ERLEC1: variants seen among roughly 807,000 people sequenced by gnomAD.
ERLEC1 encodes the protein ER lectin.
ERLEC1 carries 47 observed loss-of-function variants against 68.0 expected under a neutral mutation model. The ratio of observed to expected loss-of-function variants is 0.69; its 90% CI spans 0.55 to 0.88. ERLEC1 has a LOEUF of 0.88. Ranked by LOEUF, ERLEC1 falls within the 40% of genes least tolerant of loss-of-function variation. The probability of loss-of-function intolerance (pLI) is 0.00; values close to 1 mark genes in which losing one functional copy is unlikely to be tolerated. For synonymous variants in ERLEC1, 225 were observed against 203.2 expected, an observed-to-expected ratio of 1.11 and a Z score of -0.91; for missense variants, 567 against 583.8, an observed-to-expected ratio of 0.97 and a Z score of 0.30.
chr2:53,791,086 C>T (rs919363133), intron 1 of ERLEC1, among the ~76,000 whole-genome samples: 1 of 152,182 alleles, frequency 6.6e-6, no homozygotes, highest in South Asian at 2.1e-4. Flanking sequence ...ACAGGTTCTA[C>T]CAACAAGTGT....
At chr2:53,813,570 T>C (rs993319892) in intron 11 of ERLEC1, among the ~76,000 whole-genome samples, 13 of 152,146 alleles carry the variant, frequency 8.5e-5, no homozygotes, top group Non-Finnish European at 1.3e-4. Context: ...GATATATGAG[T>C]ATACCTTGTC....
In ERLEC1 at chr2:53,809,241, T is replaced by C; in HGVS notation, c.1069T>C (p.Cys357Arg). 8.2e-6 allele frequency: 13 copies of C among 1,581,546 alleles called. No homozygotes were observed. Among genetic ancestry groups the C allele is most frequent in the Non-Finnish European group, 1.1e-5 (13 of 1,170,896 alleles). ...GGVGWWKYEF[C>R]YGKHVHQYHE... ...TGTCGGTTGGTGGAAATATGAATTC[T>C]GCTATGGCAAACATGTACATCAATA... Residue 357 changes from cysteine to arginine, a missense_variant, in exon 10 of 14, where the codon TGC becomes CGC. Transcript: ENST00000185150.
rs1675068004 is a variant in ERLEC1 at position 53,787,046 on chromosome 2, A to G, written c.-165A>G. On this transcript the variant is annotated 5_prime_UTR_variant, in exon 1 of 14. Coordinates refer to ENST00000185150, the MANE Select transcript of ERLEC1 (RefSeq NM_015701.5). ...GGTGACAGGAGGCTCAAGGGGGCGG[A>G]GGCGGCGTTGCCGGGCTCTCCGGAA... 3.0e-5 allele frequency: 28 copies of G among 925,228 alleles called. No individual in the cohort carries two copies. The highest frequency in any genetic ancestry group is 4.2e-5 in the Non-Finnish European group (27 of 649,208). The allele number at this position is 925,228 out of a possible 1,614,324, so 57.3% of individuals were successfully genotyped here.
At chr2:53,817,748 A>G (rs1676978766) in intron 13 of ERLEC1, 150 bp from the exon 14 acceptor site, 5 of 571,516 alleles carry the variant, frequency 8.7e-6, no homozygotes, top group Middle Eastern at 9.8e-4. Flanking sequence ...GTTTTTCAAG[A>G]AGCTTAATTT....
At chr2:53,813,143 A>T in intron 11 of ERLEC1, 70 bp downstream of exon 11, 1 of 1,545,708 alleles carries the variant, frequency 6.5e-7, no homozygotes, top group East Asian at 2.3e-5. Context: ...ATTGAAAAAC[A>T]TAAAAATTCA....
At chr2:53,801,245 A>G in intron 6 of ERLEC1, 152 bp from the exon 7 acceptor site, 2 of 568,926 alleles carry the variant, frequency 3.5e-6, no homozygotes, top group Non-Finnish European at 3.1e-6. Context: ...TCAAAATAAT[A>G]TTAGAGGGAG....
At chr2:53,813,172 C>A in intron 11 of ERLEC1, 99 bp downstream of exon 11, 2 of 1,421,994 alleles carry the variant, frequency 1.4e-6, no homozygotes, top group South Asian at 1.3e-5. Flanking sequence ...AGTAAAATCC[C>A]TGTTTAGTTT....
At chr2:53,808,526 G>T in intron 9 of ERLEC1, 66 bp downstream of exon 9, 1 of 1,466,968 alleles carries the variant, frequency 6.8e-7, no homozygotes. Context: ...TGGTCAGTGG[G>T]CATCAGCAGC....
intron 10 of ERLEC1, among the ~76,000 whole-genome samples, chr2:53,812,715 C>A (rs1425786529): frequency 6.6e-6 from 1 of 152,058 alleles, no homozygotes; most frequent in Non-Finnish European, 1.5e-5. Flanking sequence ...CCGAAAATAA[C>A]TACATTTAGA....
At chr2:53,809,918 G>A (rs557600333) in intron 10 of ERLEC1, among the ~76,000 whole-genome samples, 10 of 151,820 alleles carry the variant, frequency 6.6e-5, no homozygotes, top group Admixed American at 6.6e-4. Context: ...AATTAGCCAG[G>A]TGCATGCCTA....
At chr2:53,790,116 CAG>C (rs1420144390) in intron 1 of ERLEC1, among the ~76,000 whole-genome samples, 5 of 151,436 alleles carry the variant, frequency 3.3e-5, no homozygotes, top group African/African-American at 4.9e-5. Context: ...GTGTTTGTGA[CAG>C]AGTCTCGCTC....
chr2:53,814,788 A>G, intron 12 of ERLEC1, 72 bp from the exon 13 acceptor site: 1 of 1,220,398 alleles, frequency 8.2e-7, no homozygotes, highest in Non-Finnish European at 1.2e-6. Flanking sequence ...TGGGATTTTT[A>G]AGAGTACAGT....
In ERLEC1 at chr2:53,794,426, C is replaced by T; in HGVS notation, c.244C>T (p.Pro82Ser). The T allele has an allele frequency of 6.4e-7, 1 of 1,561,604 alleles. No homozygotes were observed. ...TAAAGAAAAATATAAATGCATACTT[C>T]CCCTTGTGACAAGTGGGGATGAGGT... The part of the protein sequence containing the change: ...AHKEKYKCIL[P>S]LVTSGDEEEE... Residue 82 changes from proline (P) to serine (S), a missense_variant, in exon 2 of 14, where the codon CCC (proline) becomes TCC (serine). Physicochemically the swap from Pro to Ser is moderately conservative, Grantham distance 74 (BLOSUM62 -1). Coordinates refer to ENST00000185150, the MANE Select transcript of ERLEC1 (RefSeq NM_015701.5).
At chr2:53,805,538 C>T (rs1312302870) in intron 8 of ERLEC1, among the ~76,000 whole-genome samples, 1 of 152,116 alleles carries the variant, frequency 6.6e-6, no homozygotes, top group Non-Finnish European at 1.5e-5. Context: ...TTTCTTTATC[C>T]ATTCATCTGT....
At chr2:53,802,755 G>T (rs937766502) in intron 8 of ERLEC1, among the ~76,000 whole-genome samples, 2 of 152,018 alleles carry the variant, frequency 1.3e-5, no homozygotes, top group Non-Finnish European at 2.9e-5. Context: ...AAAGTACCGC[G>T]GAGTTTTGCT....
At chr2:53,814,088 C>G (rs1244513254) in intron 11 of ERLEC1, among the ~76,000 whole-genome samples, 1 of 152,114 alleles carries the variant, frequency 6.6e-6, no homozygotes, top group Non-Finnish European at 1.5e-5. Flanking sequence ...TTCTTTGGAT[C>G]CTGCTCATTT....
At chr2:53,813,221 A>T in intron 11 of ERLEC1, 148 bp downstream of exon 11, 1 of 947,702 alleles carries the variant, frequency 1.1e-6, no homozygotes, top group Non-Finnish European at 1.5e-6. Flanking sequence ...TTCTTTTCTT[A>T]GGGAAGCAAC....
rs967322566 is a variant in ERLEC1 at position 53,813,391 on chromosome 2, G to A, written c.1226+318G>A. 3.3e-5 allele frequency among the ~76,000 whole-genome samples: 5 copies of A among 152,026 alleles called. No homozygotes were observed. In the East Asian group the frequency reaches 9.6e-4, roughly 29 times the overall value. On this transcript the variant is annotated intron_variant, in intron 11 of 13. Coordinates refer to ENST00000185150, the MANE Select transcript of ERLEC1 (RefSeq NM_015701.5). ...CATATGATTATTGTGTCATTTAAGA[G>A]GTAATTTATGTAAAGGAGAATGCCT...
chr2:53,801,323 A>G (rs1675989879), intron 6 of ERLEC1, 74 bp from the exon 7 acceptor site: 1 of 1,039,508 alleles, frequency 9.6e-7, no homozygotes, highest in African/African-American at 1.6e-5. Flanking sequence ...TTTCAGAATA[A>G]TAAGTTCCTC....
Sources: allele counts gnomAD v4.1 joint callset (sites outside exome capture counted in the v4.1 genomes callset), GRCh38; gene constraint gnomAD v4.1.1; transcripts MANE v1.5; gene names NCBI Gene and HGNC (gene_info 2026-07-23, HGNC 2026-07-21).